Variants in WDR11 observed in about 807,000 individuals in gnomAD.
WDR11 encodes the protein WD repeat domain 11.
A neutral mutation model predicts 151.2 loss-of-function variants in WDR11; 83 were observed. The ratio of observed to expected loss-of-function variants is 0.55; its 90% CI spans 0.46 to 0.66. WDR11 has a LOEUF of 0.66. WDR11 is among the 30% of genes least tolerant of loss of function. The pLI, the probability that WDR11 is intolerant of heterozygous loss-of-function variation, is 0.00. For missense variants in WDR11, 1,301 were observed against 1,480.9 expected (o/e 0.88, Z 1.99); for synonymous variants, 484 against 533.1 (o/e 0.91, Z 1.27).
chr10:120,891,743 T>C (rs976445776), intron 19 of WDR11, among the ~76,000 whole-genome samples: 1 of 152,344 alleles, frequency 6.6e-6, no homozygotes, highest in Middle Eastern at 3.4e-3. Flanking sequence ...TCACTTTGTG[T>C]TCATGCTTGA....
chr10:120,882,185 T>G (rs1847030431), intron 13 of WDR11, among the ~76,000 whole-genome samples: 1 of 152,094 alleles, frequency 6.6e-6, no homozygotes, highest in African/African-American at 2.4e-5. Context: ...TTTCAGATGT[T>G]AAGCCAACAT....
chr10:120,871,181 A>G lies in WDR11; in HGVS notation c.1306A>G (p.Ile436Val), dbSNP rs34602786. The G allele has an allele frequency of 5.4e-4, 872 of 1,614,156 alleles. 5 individuals are homozygous for G. Among genetic ancestry groups the G allele is most frequent in the African/African-American group, 1.9e-3 (140 of 75,042 alleles). Reference protein sequence around the residue: ...SLDNMIGQSAIAGEEHPRGSI... With the variant: ...SLDNMIGQSAVAGEEHPRGSI... ...TTATTACAAATCAGGGCAAAGTGCA[A>G]TTGCTGGGGAAGAACATCCCAGAGG... The change falls in exon 10 of 29, where the codon ATT (isoleucine) becomes GTT (valine). Residue 436 changes from isoleucine (I) to valine (V), a missense_variant. Ile to Val is a conservative substitution (Grantham distance 29). Transcript: ENST00000263461.
At chr10:120,906,236 C>T in intron 27 of WDR11, 18 of 1,434,144 alleles carry the variant, frequency 1.3e-5, no homozygotes, top group Non-Finnish European at 1.6e-5. Flanking sequence ...TACTAATATG[C>T]TGATCAGACT....
rs777963282 is a variant in WDR11, at chr10:120,865,763, A to C, written c.994+19A>C. The stretch of plus-strand genomic sequence containing the variant: ...GAACCAGGTGAGTTTCTGTCTCACA[A>C]TAATGTTATATTTTTCTTCAAAATT... On this transcript the variant is annotated intron_variant, in intron 7 of 28. Coordinates refer to ENST00000263461, the MANE Select transcript of WDR11 (RefSeq NM_018117.12). 2.0e-6 allele frequency: 3 copies of C among 1,493,536 alleles called. No homozygotes were observed. Among genetic ancestry groups the C allele is most frequent in the Non-Finnish European group, 2.8e-6 (3 of 1,073,980 alleles). 92.5% of individuals were successfully genotyped at this position (1,493,536 alleles called of 1,614,324 possible).
intron 10 of WDR11, among the ~76,000 whole-genome samples, chr10:120,873,497 T>C (rs1417434231): frequency 1.3e-5 from 2 of 152,214 alleles, no homozygotes; most frequent in African/African-American, 4.8e-5. Context: ...ATAATAAACC[T>C]TCTGAGTCTC....
intron 25 of WDR11, 113 bp downstream of exon 25, chr10:120,904,924 T>G: frequency 8.0e-7 from 1 of 1,245,716 alleles, no homozygotes; most frequent in Non-Finnish European, 1.2e-6. Flanking sequence ...TGAAGAAAAA[T>G]AGAAAAATTA....
chr10:120,908,749 G>A lies in WDR11; in HGVS notation c.*36G>A, dbSNP rs1396232706. 1.9e-6 allele frequency: 3 copies of A among 1,611,104 alleles called. No homozygotes were observed. The highest frequency in any genetic ancestry group is 1.7e-6 in the Non-Finnish European group (2 of 1,178,350). ...AATGCCAGGGAATCTGACCTGGAAG[G>A]CAGATGGGAGGGGGCTGGTCTGGCT... On this transcript the variant is annotated 3_prime_UTR_variant, in exon 29 of 29. Transcript: ENST00000263461.
At chr10:120,860,012 G>A (rs1846086365) in intron 3 of WDR11, 97 bp from the exon 4 acceptor site, 4 of 1,418,456 alleles carry the variant, frequency 2.8e-6, no homozygotes, top group African/African-American at 1.4e-5. Context: ...AGTTTTTAAA[G>A]ATTATATTTT....
At chr10:120,859,185 A>G (rs931430233) in intron 3 of WDR11, among the ~76,000 whole-genome samples, 1 of 152,158 alleles carries the variant, frequency 6.6e-6, no homozygotes, top group Non-Finnish European at 1.5e-5. Context: ...GAGATGAACA[A>G]AATTTTATTC....
chr10:120,897,282 A>C (rs1847647777), intron 19 of WDR11, among the ~76,000 whole-genome samples: 1 of 152,198 alleles, frequency 6.6e-6, no homozygotes, highest in South Asian at 2.1e-4. Context: ...ATAAGATTAG[A>C]AAATCACCAC....
At chr10:120,893,219 G>A (rs1464997491) in intron 19 of WDR11, among the ~76,000 whole-genome samples, 2 of 143,008 alleles carry the variant, frequency 1.4e-5, no homozygotes, top group South Asian at 2.2e-4. Flanking sequence ...CTGTGTCCAT[G>A]TGTTCTCATT....
At position 120,886,819 on chromosome 10, in the gene WDR11, G is replaced by A. The variant is rs1473909656; in HGVS notation, c.2104G>A (p.Ala702Thr). ...TGAAGGAAACTCAGTAAAAGACAGT[G>A]CTCGGATTCCACCAGATGTGAGTAC... ...TVEGNSVKDS[A>T]RIPPDGSMGS... Residue 702 changes from alanine to threonine, a missense_variant, in exon 16 of 29, where the codon GCT becomes ACT. Physicochemically the swap from Ala to Thr is moderately conservative, Grantham distance 58. Coordinates refer to ENST00000263461, the MANE Select transcript of WDR11 (RefSeq NM_018117.12). 3.1e-6 allele frequency: 5 copies of A among 1,613,952 alleles called. No homozygotes were observed. In the Admixed American group the frequency reaches 5.0e-5, roughly 16 times the overall value.
intron 19 of WDR11, among the ~76,000 whole-genome samples, chr10:120,893,003 T>G (rs80218137): frequency 5.6e-5 from 8 of 141,620 alleles, no homozygotes; most frequent in African/African-American, 1.3e-4. Context: ...CTCCCCAGTG[T>G]TTTTTTTTTT....
At position 120,866,647 on chromosome 10, in the gene WDR11, C is replaced by T. The variant is rs758940850; in HGVS notation, c.1073C>T (p.Pro358Leu). 6.2e-7 allele frequency: 1 copy of T among 1,614,158 alleles called. No individual in the cohort carries two copies. Among genetic ancestry groups the T allele is most frequent in the Non-Finnish European group, 8.5e-7 (1 of 1,180,036 alleles). The change falls in exon 8 of 29, where the codon CCC (proline) becomes CTC (leucine). Residue 358 changes from proline (P) to leucine (L), a missense_variant. This residue lies in a region of WDR11 where 692 missense variants were observed against 762.5 expected (regional missense o/e 0.91). Coordinates refer to ENST00000263461, the MANE Select transcript of WDR11 (RefSeq NM_018117.12). ...DAIRVTKTVR[P>L]FSMVCCPVNE... ...ATCAGGGTGACAAAAACCGTCCGTC[C>T]CTTCAGTATGGTGTGCTGTCCTGTC...
intron 21 of WDR11, among the ~76,000 whole-genome samples, chr10:120,901,677 T>G (rs560028467): frequency 1.6e-4 from 25 of 152,366 alleles, no homozygotes; most frequent in Admixed American, 1.6e-3. Context: ...TTTAACAAAT[T>G]AAGCATGATA....
intron 10 of WDR11, among the ~76,000 whole-genome samples, chr10:120,872,541 TA>T (rs754864105): frequency 1.6e-5 from 2 of 126,334 alleles, no homozygotes; most frequent in Non-Finnish European, 3.3e-5. Flanking sequence ...GAATATCATT[TA>T]CTGAATTTAG....
chr10:120,868,624 C>G (rs1846402981), intron 9 of WDR11: 1 of 152,080 alleles, frequency 6.6e-6, no homozygotes, highest in African/African-American at 2.4e-5. Flanking sequence ...AACTGAGGCC[C>G]AGAGAGATTA....
At chr10:120,903,000 G>T in intron 22 of WDR11, 55 bp from the exon 23 acceptor site, 1 of 1,583,890 alleles carries the variant, frequency 6.3e-7, no homozygotes. Context: ...ACTCTAGGAA[G>T]CCATCCAGGC....
chr10:120,907,694 G>A (rs572235950), intron 28 of WDR11: 1 of 150,616 alleles, frequency 6.6e-6, no homozygotes, highest in African/African-American at 2.5e-5. Context: ...TGCCCAGACT[G>A]GAGTGAGTGG....
Sources: gnomAD v4.1 joint callset for allele counts (sites outside exome capture counted in the v4.1 genomes callset) on GRCh38, gnomAD v4.1.1 for gene constraint, gnomAD v4.1.1 regional missense constraint, MANE v1.5 for transcripts, NCBI Gene and HGNC (gene_info 2026-07-23, HGNC 2026-07-21) for gene names.